PDE10A: variants seen among roughly 807,000 people sequenced by gnomAD.
The protein encoded by PDE10A is cAMP and cAMP-inhibited cGMP 3',5'-cyclic phosphodiesterase 10A.
PDE10A carries 39 observed loss-of-function variants against 97.7 expected under a neutral mutation model. That is an observed-to-expected ratio of 0.40 (90% CI 0.31 to 0.52). PDE10A has a LOEUF of 0.52. Ranked by LOEUF, PDE10A falls within the 20% of genes least tolerant of loss-of-function variation. The pLI, the probability that PDE10A is intolerant of heterozygous loss-of-function variation, is 0.56. For missense variants in PDE10A, 731 were observed against 1,047.8 expected, an observed-to-expected ratio of 0.70 and a Z score of 4.17; for synonymous variants, 371 against 376.8, an observed-to-expected ratio of 0.98 and a Z score of 0.18.
intron 2 of PDE10A, among the ~76,000 whole-genome samples, chr6:165,521,963 AT>A (rs1336573926): frequency 4.6e-5 from 7 of 152,272 alleles, no homozygotes; most frequent in African/African-American, 1.7e-4. Flanking sequence ...ACTGAGCATA[AT>A]TTCCTCAAGG....
chr6:165,351,214 T>TA (rs1159492709), intron 18 of PDE10A, among the ~76,000 whole-genome samples: 2 of 152,134 alleles, frequency 1.3e-5, no homozygotes, highest in Non-Finnish European at 2.9e-5. Flanking sequence ...TAAAATATCA[T>TA]AAAAAATACC....
intron 1 of PDE10A, among the ~76,000 whole-genome samples, chr6:165,965,094 T>C (rs973904592): frequency 3.9e-5 from 6 of 152,186 alleles, no homozygotes; most frequent in African/African-American, 1.4e-4. Flanking sequence ...ATGTGATATA[T>C]TTTAGAAGAA....
intron 1 of PDE10A, among the ~76,000 whole-genome samples, chr6:165,680,517 A>G (rs1790945657): frequency 6.6e-6 from 1 of 152,228 alleles, no homozygotes; most frequent in South Asian, 2.1e-4. Context: ...CTTGAGTCAT[A>G]ATCCACAGAC....
chr6:165,644,338 G>C (rs1046142454), intron 1 of PDE10A, among the ~76,000 whole-genome samples: 1 of 152,202 alleles, frequency 6.6e-6, no homozygotes, highest in African/African-American at 2.4e-5. Context: ...TGGGATTACA[G>C]GCATGAGCCA....
Position 165,981,104 on chromosome 6 carries a change from C to G in PDE10A, c.-615+6425G>C, listed in dbSNP as rs1483717207. Among the ~76,000 whole-genome samples the G allele has an allele frequency of 2.6e-5, 4 of 152,044 alleles. No individual in the cohort carries two copies. The East Asian group carries it at 5.8e-4, about 22-fold the overall frequency. ...ATGTTTGTTGGGGAGCAAGAGTTGG[C>G]AAACAGACATATAAATGTAGGTAAA... On this transcript the variant is annotated intron_variant, in intron 1 of 19. Transcript: ENST00000366882.
chr6:165,594,999 CTT>C (rs1417792319), intron 1 of PDE10A, among the ~76,000 whole-genome samples: 13 of 152,322 alleles, frequency 8.5e-5, no homozygotes, highest in Admixed American at 6.5e-4. Context: ...AGAGAAGTAA[CTT>C]TGTCAAAGTC....
intron 1 of PDE10A, among the ~76,000 whole-genome samples, chr6:165,833,803 A>G (rs1779992357): frequency 6.6e-6 from 1 of 152,242 alleles, no homozygotes; most frequent in African/African-American, 2.4e-5. Context: ...GATAAAGATC[A>G]GGTAGGAAAG....
chr6:165,343,093 T>C (rs889002739), intron 19 of PDE10A, among the ~76,000 whole-genome samples: 9 of 152,336 alleles, frequency 5.9e-5, no homozygotes, highest in East Asian at 3.9e-4. Context: ...GTAATGTTTA[T>C]TGAATGAATG....
At chr6:165,507,678 C>A (rs1781277688) in intron 2 of PDE10A, among the ~76,000 whole-genome samples, 1 of 152,062 alleles carries the variant, frequency 6.6e-6, no homozygotes, top group Non-Finnish European at 1.5e-5. Context: ...CTCTTCCTCT[C>A]CACTTCATTT....
chr6:165,401,357 T>C (rs1456140457), intron 13 of PDE10A, among the ~76,000 whole-genome samples: 17 of 152,218 alleles, frequency 1.1e-4, no homozygotes, highest in Admixed American at 1.1e-3. Flanking sequence ...TATTTTTTCA[T>C]TCAGTGTTAA....
At chr6:165,620,953 A>G (rs2128409000) in intron 1 of PDE10A, among the ~76,000 whole-genome samples, 1 of 151,452 alleles carries the variant, frequency 6.6e-6, no homozygotes, top group South Asian at 2.1e-4. Context: ...CCTGGGAGGC[A>G]GAGGTTGCGG....
At chr6:165,677,893 G>A (rs1324599162) in intron 1 of PDE10A, among the ~76,000 whole-genome samples, 1 of 151,536 alleles carries the variant, frequency 6.6e-6, no homozygotes, top group Non-Finnish European at 1.5e-5. Flanking sequence ...TATATGCATG[G>A]GTATATATGT....
At chr6:165,905,981 CTCCT>C (rs1159735811) in intron 1 of PDE10A, among the ~76,000 whole-genome samples, 1,178 of 92,506 alleles carry the variant, frequency 0.013, 177 homozygotes, top group Non-Finnish European at 0.02. Flanking sequence ...TTCCCTTTTT[CTCCT>C]TCCTTCCTTC....
chr6:165,832,434 T>C (rs75673757), intron 1 of PDE10A, among the ~76,000 whole-genome samples: 2 of 152,012 alleles, frequency 1.3e-5, no homozygotes, highest in African/African-American at 4.8e-5. Context: ...AAAAAAAAAT[T>C]GGTGTGTGTT....
At chr6:165,760,590 G>C (rs1011339348) in intron 1 of PDE10A, among the ~76,000 whole-genome samples, 33 of 152,182 alleles carry the variant, frequency 2.2e-4, no homozygotes, top group African/African-American at 8.0e-4. Flanking sequence ...TGTGTGCTCA[G>C]AATTTTGCTG....
At chr6:165,619,344 C>CTAGTGTACTGTAGTG (rs1562634465) in intron 1 of PDE10A, among the ~76,000 whole-genome samples, 2 of 121,858 alleles carry the variant, frequency 1.6e-5, no homozygotes, top group African/African-American at 3.5e-5. Flanking sequence ...GTAGTGTAGT[C>CTAGTGTACTGTAGTG]TAGTGTAGTG....
intron 1 of PDE10A, among the ~76,000 whole-genome samples, chr6:165,658,627 T>A (rs919421583): frequency 6.6e-6 from 1 of 152,346 alleles, no homozygotes; most frequent in African/African-American, 2.4e-5. Flanking sequence ...AGACAACCTA[T>A]GTTATCTTTT....
chr6:165,612,090 A>C (rs1412367822), intron 1 of PDE10A, among the ~76,000 whole-genome samples: 1 of 152,246 alleles, frequency 6.6e-6, no homozygotes, highest in African/African-American at 2.4e-5. Flanking sequence ...TATTAACGAC[A>C]AGTATCTACA....
At chr6:165,801,820 G>T (rs948036506) in intron 1 of PDE10A, among the ~76,000 whole-genome samples, 1 of 152,166 alleles carries the variant, frequency 6.6e-6, no homozygotes, top group East Asian at 1.9e-4. Context: ...AGAGAGTGGT[G>T]CAGGAGAGAA....
Sources: allele counts gnomAD v4.1 joint callset (sites outside exome capture counted in the v4.1 genomes callset), GRCh38; gene constraint gnomAD v4.1.1; transcripts MANE v1.5; gene names NCBI Gene and HGNC (gene_info 2026-07-23, HGNC 2026-07-21).